The following ARPC5L variants were observed in gnomAD, a reference collection of about 807,000 sequenced individuals.
ARPC5L encodes the protein actin-related protein 2/3 complex subunit 5-like protein.
In ARPC5L, 4 loss-of-function variants were observed where a neutral mutation model predicts 16.9. That is an observed-to-expected ratio of 0.24 (90% CI 0.12 to 0.54). The LOEUF (loss-of-function observed/expected upper bound fraction) is 0.54, where lower values mean the gene tolerates loss of function less well. Among genes scored for constraint, ARPC5L ranks in the 20% least tolerant of loss-of-function variants. The pLI is 0.95. For missense variants in ARPC5L, 151 were observed against 201.9 expected (o/e 0.75, Z 1.53); for synonymous variants, 78 against 82.6 (o/e 0.94, Z 0.30).
chr9:124,871,304 G>A (rs1000527160), intron 3 of ARPC5L, among the ~76,000 whole-genome samples: 5 of 152,282 alleles, frequency 3.3e-5, no homozygotes, highest in South Asian at 2.1e-4. Context: ...CTGTGACCTC[G>A]GATAGGTCGC....
chr9:124,876,340 A>G (rs1292889125), intron 5 of ARPC5L, among the ~76,000 whole-genome samples: 11 of 151,744 alleles, frequency 7.2e-5, no homozygotes, highest in Non-Finnish European at 1.6e-4. Flanking sequence ...TACAAAAATT[A>G]GCCGGGGGTG....
At chr9:124,873,381 T>C (rs1829387427) in intron 3 of ARPC5L, 4 of 386,800 alleles carry the variant, frequency 1.0e-5, no homozygotes, top group Middle Eastern at 7.6e-4. Context: ...GTAGGGGAGA[T>C]ACAGTGCTCA....
At chr9:124,865,800 CA>C (rs1441774014) in intron 2 of ARPC5L, among the ~76,000 whole-genome samples, 1 of 150,846 alleles carries the variant, frequency 6.6e-6, no homozygotes, top group Non-Finnish European at 1.5e-5. Flanking sequence ...CTCAAAAAAA[CA>C]AAAAACAAAA....
intron 3 of ARPC5L, chr9:124,872,817 T>C (rs1829378880): frequency 6.6e-6 from 1 of 152,226 alleles, no homozygotes; most frequent in Non-Finnish European, 1.5e-5. Context: ...GATCTCATAC[T>C]GGGGAAGCCA....
rs1195651475 is a variant in ARPC5L at position 124,869,179 on chromosome 9, T to G, written c.-112T>G. ...CGCGCGGAGGCGGTGGAGGAGGTGC[T>G]GGGAGCAGCCGGGCAGCCGCTTCCC... On this transcript the variant is annotated 5_prime_UTR_variant, in exon 3 of 6. Transcript: ENST00000353214. 1.6e-6 allele frequency: 2 copies of G among 1,223,494 alleles called. No homozygotes were observed. Among genetic ancestry groups the G allele is most frequent in the African/African-American group, 3.2e-5 (2 of 62,006 alleles). The allele number at this position is 1,223,494 out of a possible 1,614,324, so 75.8% of individuals were successfully genotyped here.
chr9:124,875,032 G>A lies in ARPC5L; in HGVS notation c.280G>A (p.Glu94Lys), dbSNP rs773552796. ...CACAAACTTCAAGAGCAGTGAGATTGAGCAGGCTGTGCAGTCACTGGACAG... is the reference window on the plus strand; with the variant it reads ...CACAAACTTCAAGAGCAGTGAGATTAAGCAGGCTGTGCAGTCACTGGACAG... ...VLTNFKSSEI[E>K]QAVQSLDRNG... The change falls in exon 5 of 6, where the codon GAG becomes AAG. Residue 94 changes from glutamate (E) to lysine (K), a missense_variant. By Grantham distance (56) the Glu-to-Lys change is moderately conservative. Coordinates refer to ENST00000353214, the MANE Select transcript of ARPC5L (RefSeq NM_030978.3). The A allele has an allele frequency of 6.2e-7, 1 of 1,614,072 alleles. No homozygotes were observed. Among genetic ancestry groups the A allele is most frequent in the Non-Finnish European group, 8.5e-7 (1 of 1,179,926 alleles).
Position 124,869,209 on chromosome 9 carries a change from C to T in ARPC5L, c.-82C>T, listed in dbSNP as rs1360508228. ...GCAGCCGGGCAGCCGCTTCCCGCCC[C>T]CGAGCAGGAGCCGGTGCGAGCGGAG... On this transcript the variant is annotated 5_prime_UTR_variant, in exon 3 of 6. Transcript: ENST00000353214. 5 of 1,346,300 alleles carry T rather than the reference C, an allele frequency of 3.7e-6. No individual in the cohort carries two copies. Among genetic ancestry groups the T allele is most frequent in the Admixed American group, 8.2e-5 (2 of 24,326 alleles). The allele number at this position is 1,346,300 out of a possible 1,614,324, so 83.4% of individuals were successfully genotyped here.
intron 5 of ARPC5L, 150 bp downstream of exon 5, chr9:124,875,301 C>G (rs1829416194): frequency 1.1e-6 from 1 of 932,648 alleles, no homozygotes; most frequent in Non-Finnish European, 1.6e-6. Flanking sequence ...GTCATCACTT[C>G]CCTCTCCCAA....
chr9:124,869,080 G>C lies in ARPC5L; in HGVS notation c.-211G>C, dbSNP rs1829312531. ...GGTGATCCCATACCGCACTCCAGGT[G>C]CCAGGCTCCGCCCCGCCCCTGACGG... On this transcript the variant is annotated 5_prime_UTR_variant, in exon 3 of 6. Coordinates refer to ENST00000353214, the MANE Select transcript of ARPC5L (RefSeq NM_030978.3). 2.2e-6 allele frequency: 1 copy of C among 449,768 alleles called. No individual in the cohort carries two copies. The highest frequency in any genetic ancestry group is 3.7e-6 in the Non-Finnish European group (1 of 270,722). 27.9% of individuals were successfully genotyped at this position (449,768 alleles called of 1,614,324 possible).
At position 124,869,180 on chromosome 9, in the gene ARPC5L, G is replaced by A; in HGVS notation, c.-111G>A. 8 of 1,242,032 alleles carry A rather than the reference G, an allele frequency of 6.4e-6. No homozygotes were observed. The highest frequency in any genetic ancestry group is 2.1e-5 in the South Asian group (1 of 47,524). The allele number at this position is 1,242,032 out of a possible 1,614,324, so 76.9% of individuals were successfully genotyped here. Reference sequence around the variant, plus strand: ...GCGCGGAGGCGGTGGAGGAGGTGCTGGGAGCAGCCGGGCAGCCGCTTCCCG... The same window carrying A: ...GCGCGGAGGCGGTGGAGGAGGTGCTAGGAGCAGCCGGGCAGCCGCTTCCCG... On this transcript the variant is annotated 5_prime_UTR_variant, in exon 3 of 6. Transcript: ENST00000353214.
intron 2 of ARPC5L, among the ~76,000 whole-genome samples, chr9:124,866,368 C>A (rs981179406): frequency 3.3e-5 from 5 of 152,220 alleles, no homozygotes; most frequent in Non-Finnish European, 7.4e-5. Flanking sequence ...TGTGCCACTG[C>A]ACTCCAGCCT....
At chr9:124,871,865 C>T (rs1204558689) in intron 3 of ARPC5L, among the ~76,000 whole-genome samples, 3 of 152,150 alleles carry the variant, frequency 2.0e-5, no homozygotes, top group South Asian at 2.1e-4. Context: ...TAAGATCCCA[C>T]GTCAGAGAAT....
chr9:124,867,689 T>C, intron 2 of ARPC5L, among the ~76,000 whole-genome samples: 1 of 152,206 alleles, frequency 6.6e-6, no homozygotes, highest in Non-Finnish European at 1.5e-5. Context: ...GTTCTGGGGA[T>C]ATGAATTTCT....
intron 3 of ARPC5L, among the ~76,000 whole-genome samples, chr9:124,871,782 CTG>C (rs1300385531): frequency 5.9e-5 from 9 of 152,192 alleles, no homozygotes; most frequent in African/African-American, 2.2e-4. Context: ...CCCCAGGAAA[CTG>C]GAGACATTTT....
chr9:124,866,104 TAAAA>T lies in ARPC5L; in HGVS notation c.-864+2001_-864+2004del, dbSNP rs565955796. On this transcript the variant is annotated intron_variant, in intron 2 of 5. Transcript: ENST00000353214. ...TAGGCGACACAGTGAGACTCCCTCTTAAAAAAACAAAAAAACAGGTCAGGCGCAG... is the reference window on the plus strand; with the variant it reads ...TAGGCGACACAGTGAGACTCCCTCTTAAACAAAAAAACAGGTCAGGCGCAG... Among the ~76,000 whole-genome samples the T allele has an allele frequency of 8.1e-3, 1,115 of 137,886 alleles. 11 individuals are homozygous for T. The highest frequency in any genetic ancestry group is 0.014 in the Non-Finnish European group (878 of 63,614). 90.5% of individuals were successfully genotyped at this position (137,886 alleles called of 152,430 possible).
intron 2 of ARPC5L, among the ~76,000 whole-genome samples, chr9:124,865,006 A>G (rs990504903): frequency 6.6e-6 from 1 of 150,700 alleles, no homozygotes; most frequent in East Asian, 2.0e-4. Flanking sequence ...TAATTTTTAT[A>G]TTTTTAGTAG....
intron 1 of ARPC5L, 104 bp downstream of exon 1, chr9:124,862,502 A>G (rs1161704464): frequency 7.3e-6 from 1 of 136,112 alleles, no homozygotes; most frequent in African/African-American, 2.7e-5. Flanking sequence ...AAGAGCATTT[A>G]CACCTTTTTT....
rs750160696 is a variant in ARPC5L, at chr9:124,869,140, GGCGGCGGCGGCTGCGC to G, written c.-146_-131del. ...ATCCGGCGGGTGCCGGAAGTGGGCG[GGCGGCGGCGGCTGCGC>G]GCGGAGGCGGTGGAGGAGGTGCTGG... On this transcript the variant is annotated 5_prime_UTR_variant, in exon 3 of 6. Coordinates refer to ENST00000353214, the MANE Select transcript of ARPC5L (RefSeq NM_030978.3). 7.5e-3 allele frequency: 6,999 copies of G among 939,408 alleles called. 56 individuals carry two copies. Among genetic ancestry groups the G allele is most frequent in the South Asian group, 0.011 (281 of 25,398 alleles). 58.2% of individuals were successfully genotyped at this position (939,408 alleles called of 1,614,324 possible).
intron 5 of ARPC5L, among the ~76,000 whole-genome samples, chr9:124,875,681 G>A (rs1484482020): frequency 2.6e-5 from 4 of 152,210 alleles, no homozygotes; most frequent in Admixed American, 6.5e-5. Flanking sequence ...TCTGCCCTTC[G>A]CTTGGGTCCG....
Sources: allele counts gnomAD v4.1 joint callset (sites outside exome capture counted in the v4.1 genomes callset), GRCh38; gene constraint gnomAD v4.1.1; transcripts MANE v1.5; gene names NCBI Gene and HGNC (gene_info 2026-07-23, HGNC 2026-07-21).